Variants in MACROD2 observed in about 807,000 individuals in gnomAD.
The protein encoded by MACROD2 is mono-ADP ribosylhydrolase 2.
In MACROD2, 36 loss-of-function variants were observed where a neutral mutation model predicts 70.4. That is an observed-to-expected ratio of 0.51 (90% CI 0.39 to 0.68). The LOEUF (loss-of-function observed/expected upper bound fraction) is 0.68, where lower values mean the gene tolerates loss of function less well. Among genes scored for constraint, MACROD2 ranks in the 30% least tolerant of loss-of-function variants. The pLI is 0.00. For missense variants in MACROD2, 496 were observed against 538.4 expected, an observed-to-expected ratio of 0.92 and a Z score of 0.78; for synonymous variants, 172 against 178.8, an observed-to-expected ratio of 0.96 and a Z score of 0.30.
chr20:14,128,970 A>G (rs917723096), intron 3 of MACROD2, among the ~76,000 whole-genome samples: 1 of 152,238 alleles, frequency 6.6e-6, no homozygotes, highest in Admixed American at 6.5e-5. Flanking sequence ...TAGTTACCCA[A>G]AAATTCTGAT....
chr20:14,696,568 G>T (rs1050867030), intron 5 of MACROD2, among the ~76,000 whole-genome samples: 4 of 151,890 alleles, frequency 2.6e-5, no homozygotes, highest in African/African-American at 9.7e-5. Flanking sequence ...TTAATCACGT[G>T]CTATTTGTGA....
At chr20:15,431,535 T>G in intron 7 of MACROD2, 100 bp downstream of exon 7, 1 of 1,155,276 alleles carries the variant, frequency 8.7e-7, no homozygotes, top group Non-Finnish European at 1.3e-6. Flanking sequence ...GAATATATTT[T>G]GCTGTGATTT....
chr20:16,029,234 G>A (rs1033834674), intron 15 of MACROD2, among the ~76,000 whole-genome samples: 4 of 152,194 alleles, frequency 2.6e-5, no homozygotes, highest in Admixed American at 2.6e-4. Flanking sequence ...TAACTTGCAG[G>A]TTGGGGCTAC....
chr20:15,444,764 A>G (rs74596029), intron 7 of MACROD2, among the ~76,000 whole-genome samples: 305 of 152,210 alleles, frequency 2.0e-3, no homozygotes, highest in African/African-American at 6.5e-3. Flanking sequence ...AATAACCTCA[A>G]TTCTAAAATG....
intron 3 of MACROD2, among the ~76,000 whole-genome samples, chr20:14,400,202 T>C (rs1008447853): frequency 3.3e-5 from 5 of 152,184 alleles, no homozygotes; most frequent in Non-Finnish European, 7.3e-5. Flanking sequence ...CTAGGATTCA[T>C]TGGAGTTACT....
intron 3 of MACROD2, among the ~76,000 whole-genome samples, chr20:14,284,835 C>T (rs1424540023): frequency 6.6e-6 from 1 of 152,164 alleles, no homozygotes; most frequent in East Asian, 1.9e-4. Context: ...GGAGAGTTCA[C>T]ACTTCACTGG....
chr20:15,092,057 A>C (rs1207391246), intron 5 of MACROD2, among the ~76,000 whole-genome samples: 1 of 152,136 alleles, frequency 6.6e-6, no homozygotes, highest in African/African-American at 2.4e-5. Flanking sequence ...GTGGCTTTAC[A>C]TTCACACTAA....
chr20:14,006,335 C>T (rs1353940437), intron 2 of MACROD2, among the ~76,000 whole-genome samples: 2 of 152,202 alleles, frequency 1.3e-5, no homozygotes, highest in Non-Finnish European at 2.9e-5. Flanking sequence ...ACAGTTATTA[C>T]ACGGCCAATT....
At chr20:15,673,228 C>T (rs1399508301) in intron 8 of MACROD2, among the ~76,000 whole-genome samples, 3 of 152,146 alleles carry the variant, frequency 2.0e-5, no homozygotes, top group Non-Finnish European at 4.4e-5. Context: ...GATTCTAACC[C>T]CCACCCTGAC....
intron 3 of MACROD2, among the ~76,000 whole-genome samples, chr20:14,309,564 AC>A (rs1329527773): frequency 1.3e-5 from 2 of 152,104 alleles, no homozygotes; most frequent in Non-Finnish European, 2.9e-5. Context: ...TTTTAGTTTA[AC>A]TCATGTGTCT....
intron 5 of MACROD2, among the ~76,000 whole-genome samples, chr20:14,832,275 A>G (rs385770): frequency 0.55 from 82,739 of 151,304 alleles, 23,654 homozygotes; most frequent in African/African-American, 0.71. Flanking sequence ...TAACTACTTG[A>G]TCTTCACTGA....
intron 3 of MACROD2, among the ~76,000 whole-genome samples, chr20:14,384,908 A>C (rs2083455159): frequency 1.3e-5 from 2 of 152,244 alleles, no homozygotes; most frequent in Admixed American, 6.5e-5. Flanking sequence ...TTCCCTGCCA[A>C]GAAACCTGTT....
chr20:15,648,274 A>T (rs572825612), intron 8 of MACROD2, among the ~76,000 whole-genome samples: 23 of 152,328 alleles, frequency 1.5e-4, no homozygotes, highest in South Asian at 8.3e-4. Flanking sequence ...ATTGGCCATG[A>T]TATTTAAGAA....
At chr20:15,635,178 C>T (rs1600695775) in intron 8 of MACROD2, among the ~76,000 whole-genome samples, 1 of 152,200 alleles carries the variant, frequency 6.6e-6, no homozygotes, top group Admixed American at 6.5e-5. Context: ...TTTCTGTTTC[C>T]TGCAGTCAAC....
At chr20:15,144,919 G>C (rs1235831532) in intron 5 of MACROD2, among the ~76,000 whole-genome samples, 1 of 152,036 alleles carries the variant, frequency 6.6e-6, no homozygotes, top group Non-Finnish European at 1.5e-5. Flanking sequence ...ACTTACTATA[G>C]TACTTACTAT....
chr20:15,743,412 G>A (rs2051134072), intron 8 of MACROD2, among the ~76,000 whole-genome samples: 1 of 152,098 alleles, frequency 6.6e-6, no homozygotes, highest in Admixed American at 6.5e-5. Flanking sequence ...CTAGTTTGAC[G>A]CAGCCTAGGA....
At chr20:14,530,129 G>T (rs1170977381) in intron 4 of MACROD2, among the ~76,000 whole-genome samples, 1 of 152,168 alleles carries the variant, frequency 6.6e-6, no homozygotes, top group African/African-American at 2.4e-5. Context: ...GGGAGCTGGG[G>T]TAATTGTACC....
At chr20:15,905,587 G>A (rs1356781154) in intron 10 of MACROD2, among the ~76,000 whole-genome samples, 4 of 152,176 alleles carry the variant, frequency 2.6e-5, no homozygotes, top group Admixed American at 6.5e-5. Flanking sequence ...ATGCCAATAG[G>A]ACATTTGAGG....
intron 8 of MACROD2, among the ~76,000 whole-genome samples, chr20:15,736,922 C>T (rs1449298749): frequency 6.6e-6 from 1 of 152,014 alleles, no homozygotes; most frequent in Non-Finnish European, 1.5e-5. Context: ...TGAGTTGAGG[C>T]TAGTATTTTT....
Sources: gnomAD v4.1 joint callset for allele counts (sites outside exome capture counted in the v4.1 genomes callset) on GRCh38, gnomAD v4.1.1 for gene constraint, MANE v1.5 for transcripts, NCBI Gene and HGNC (gene_info 2026-07-23, HGNC 2026-07-21) for gene names.